The following NALF1 variants were observed in gnomAD, a reference collection of about 807,000 sequenced individuals.
NALF1 encodes the protein family with sequence similarity 155 member A.
NALF1 carries 3 observed loss-of-function variants against 48.4 expected under a neutral mutation model. That is an observed-to-expected ratio of 0.06 (90% confidence interval 0.03 to 0.16). The LOEUF is 0.16. NALF1 is among the 10% of genes least tolerant of loss of function. NALF1 has a pLI of 1.00. For missense variants in NALF1, 526 were observed against 571.5 expected (o/e 0.92, Z 0.81); for synonymous variants, 262 against 245.7 (o/e 1.07, Z -0.62).
chr13:107,667,824 C>T (rs1412334374), intron 1 of NALF1, among the ~76,000 whole-genome samples: 1 of 152,072 alleles, frequency 6.6e-6, no homozygotes, highest in Non-Finnish European at 1.5e-5. Context: ...CCTAATGAAA[C>T]CACTATACAA....
intron 1 of NALF1, among the ~76,000 whole-genome samples, chr13:107,846,465 T>G (rs142991872): frequency 9.0e-4 from 137 of 152,294 alleles, no homozygotes; most frequent in Middle Eastern, 3.4e-3. Context: ...CACCTGCCTT[T>G]CCAGCCTGCC....
chr13:107,854,052 C>T (rs1241028983), intron 1 of NALF1, among the ~76,000 whole-genome samples: 2 of 152,200 alleles, frequency 1.3e-5, no homozygotes, highest in Non-Finnish European at 2.9e-5. Context: ...TGAAGCAAAA[C>T]TATGCAGATA....
intron 1 of NALF1, among the ~76,000 whole-genome samples, chr13:107,565,369 A>G (rs1281890756): frequency 2.3e-5 from 3 of 131,026 alleles, no homozygotes; most frequent in Non-Finnish European, 4.9e-5. Context: ...TGGGTGGCAG[A>G]GCGAGACCTT....
intron 1 of NALF1, among the ~76,000 whole-genome samples, chr13:107,373,645 G>C (rs1366334647): frequency 6.6e-6 from 1 of 152,196 alleles, no homozygotes; most frequent in Non-Finnish European, 1.5e-5. Flanking sequence ...AAGATACTCA[G>C]CACTCACGCC....
chr13:107,845,833 CA>C (rs1208379993), intron 1 of NALF1, among the ~76,000 whole-genome samples: 1 of 152,054 alleles, frequency 6.6e-6, no homozygotes, highest in Non-Finnish European at 1.5e-5. Flanking sequence ...TAATACTACC[CA>C]AAAGAATGCC....
At chr13:107,244,443 C>T (rs1289359038) in intron 1 of NALF1, among the ~76,000 whole-genome samples, 6 of 152,182 alleles carry the variant, frequency 3.9e-5, no homozygotes, top group East Asian at 1.9e-4. Context: ...CATTTGTTTT[C>T]GTCTGAAAGA....
At chr13:107,635,502 G>A (rs1457364053) in intron 1 of NALF1, among the ~76,000 whole-genome samples, 1 of 152,024 alleles carries the variant, frequency 6.6e-6, no homozygotes, top group Non-Finnish European at 1.5e-5. Context: ...TTCAGGATGA[G>A]ATTTTGGTGG....
At chr13:107,198,849 A>AT (rs925360036) in intron 2 of NALF1, among the ~76,000 whole-genome samples, 1 of 151,900 alleles carries the variant, frequency 6.6e-6, no homozygotes, top group African/African-American at 2.4e-5. Flanking sequence ...ATCTATTCAC[A>AT]TTGTTTTATC....
At chr13:107,664,116 TCAAA>T (rs1440300931) in intron 1 of NALF1, among the ~76,000 whole-genome samples, 4 of 152,174 alleles carry the variant, frequency 2.6e-5, no homozygotes, top group African/African-American at 9.7e-5. Context: ...ATTTTCTCCA[TCAAA>T]CCTGCCTCCC....
chr13:107,840,914 A>G (rs2138634889), intron 1 of NALF1, among the ~76,000 whole-genome samples: 1 of 152,226 alleles, frequency 6.6e-6, no homozygotes, highest in South Asian at 2.1e-4. Flanking sequence ...TTTAAAAGCT[A>G]CTTCCTAACT....
rs1427670140 is a variant in NALF1 at position 107,165,237 on chromosome 13, ACT to A, written c.*5258_*5259del. On this transcript the variant is annotated 3_prime_UTR_variant, in exon 3 of 3. Transcript: ENST00000375915. ...GAACAAAATGTAACATGACAAACGA[ACT>A]CTGAGACATTCGCTAGATCTTCCTG... The A allele has an allele frequency of 1.3e-5, 2 of 152,116 alleles. No individual in the cohort carries two copies. The highest frequency in any genetic ancestry group is 2.9e-5 in the Non-Finnish European group (2 of 68,012). 9.4% of individuals were successfully genotyped at this position (152,116 alleles called of 1,614,324 possible).
At chr13:107,306,966 C>CAAACA (rs902809180) in intron 1 of NALF1, among the ~76,000 whole-genome samples, 6 of 152,090 alleles carry the variant, frequency 3.9e-5, no homozygotes, top group African/African-American at 9.7e-5. Flanking sequence ...TCAAAAAAAA[C>CAAACA]AAACAAAACA....
rs544713799 is a variant in NALF1 at position 107,166,966 on chromosome 13, G to A, written c.*3531C>T. On this transcript the variant is annotated 3_prime_UTR_variant, in exon 3 of 3. Coordinates refer to ENST00000375915, the MANE Select transcript of NALF1 (RefSeq NM_001080396.3). Reference sequence around the variant, plus strand: ...TTTCACTTACTGCCTTGTGAGAGAGGGGAAAAATACTATCTTTTTAATGCA... The same window carrying A: ...TTTCACTTACTGCCTTGTGAGAGAGAGGAAAAATACTATCTTTTTAATGCA... 1 of 152,200 alleles carries A rather than the reference G, an allele frequency of 6.6e-6. No individual in the cohort carries two copies. The highest frequency in any genetic ancestry group is 2.4e-5 in the African/African-American group (1 of 41,524). 9.4% of individuals were successfully genotyped at this position (152,200 alleles called of 1,614,324 possible).
At chr13:107,297,842 C>T (rs973123567) in intron 1 of NALF1, among the ~76,000 whole-genome samples, 15 of 152,016 alleles carry the variant, frequency 9.9e-5, no homozygotes, top group African/African-American at 2.2e-4. Context: ...GGATGTTAAC[C>T]GTACATACCT....
chr13:107,324,144 A>G (rs944187961), intron 1 of NALF1, among the ~76,000 whole-genome samples: 2 of 152,220 alleles, frequency 1.3e-5, no homozygotes, highest in African/African-American at 4.8e-5. Context: ...CCAGTAGGAA[A>G]TAAAAAAGTG....
At chr13:107,526,904 A>C (rs1283789211) in intron 1 of NALF1, among the ~76,000 whole-genome samples, 1 of 152,210 alleles carries the variant, frequency 6.6e-6, no homozygotes, top group Admixed American at 6.6e-5. Context: ...GCGTTTGTCT[A>C]CTAATGACAG....
intron 1 of NALF1, among the ~76,000 whole-genome samples, chr13:107,282,639 A>G (rs1340739051): frequency 1.3e-5 from 2 of 152,170 alleles, no homozygotes; most frequent in Admixed American, 1.3e-4. Flanking sequence ...TACAGCAAGT[A>G]TGTTGTAAGG....
Position 107,866,030 on chromosome 13 carries a change from C to A in NALF1, c.567G>T (p.Ala189=). The A allele has an allele frequency of 1.2e-6, 2 of 1,612,134 alleles. No homozygotes were observed. Among genetic ancestry groups the A allele is most frequent in the Non-Finnish European group, 1.7e-6 (2 of 1,179,894 alleles). ...GQCFTVENAD[A]VCARNWSRGA... is the part of the protein sequence containing the mutation. ...CCCGACTCCAGTTCCTGGCGCACAC[C>A]GCGTCCGCATTCTCCACCGTGAAGC... Residue 189 remains alanine, a synonymous_variant, in exon 1 of 3, where the codon GCG becomes GCT. Coordinates refer to ENST00000375915, the MANE Select transcript of NALF1 (RefSeq NM_001080396.3). This position sits in a 1 kb window ranked among gnomAD's most constrained non-coding sequence, Gnocchi z 4.4.
At chr13:107,740,249 TA>T (rs1876593222) in intron 1 of NALF1, among the ~76,000 whole-genome samples, 1 of 152,152 alleles carries the variant, frequency 6.6e-6, no homozygotes, top group Non-Finnish European at 1.5e-5. Flanking sequence ...TATATGAATA[TA>T]TAGAAAACTA....
Sources: gnomAD v4.1 joint callset for allele counts (sites outside exome capture counted in the v4.1 genomes callset) on GRCh38, gnomAD v4.1.1 for gene constraint, Gnocchi (gnomAD v3.1) non-coding constraint, MANE v1.5 for transcripts, NCBI Gene and HGNC (gene_info 2026-07-23, HGNC 2026-07-21) for gene names.